The following EBF4 variants were observed in gnomAD, a reference collection of about 807,000 sequenced individuals.
EBF4 encodes the protein EBF transcription factor 4.
Under a neutral mutation model 67.1 loss-of-function variants are expected in EBF4, and 34 were observed. The ratio of observed to expected loss-of-function variants is 0.51; its 90% CI spans 0.39 to 0.67. The LOEUF is 0.67. Ranked by LOEUF, EBF4 falls within the 30% of genes least tolerant of loss-of-function variation. The pLI, the probability that EBF4 is intolerant of heterozygous loss-of-function variation, is 0.00. For synonymous variants in EBF4, 387 were observed against 377.7 expected (o/e 1.02, Z -0.29); for missense variants, 837 against 873.3 (o/e 0.96, Z 0.52).
At chr20:2,758,708 G>A (rs1291223623) in intron 15 of EBF4, 1 of 611,722 alleles carries the variant, frequency 1.6e-6, no homozygotes, top group African/African-American at 1.8e-5. Context: ...GGGAGCAAGG[G>A]CGTGGGCTGC....
At chr20:2,737,350 G>C (rs2087903194) in intron 6 of EBF4, among the ~76,000 whole-genome samples, 1 of 152,124 alleles carries the variant, frequency 6.6e-6, no homozygotes, top group Admixed American at 6.5e-5. Context: ...GAGGCGGCTA[G>C]TGAGTGAACC....
In EBF4 at chr20:2,693,654, T is replaced by A. The variant is rs1394132818; in HGVS notation, c.9T>A (p.Pro3=). ...ACTCACCGCGCGCCCTCATGTTCCC[T>A]GCGCAGGACGCTCTGCCCCGCAGCG... Residue 3 remains proline (P), a synonymous_variant, in exon 1 of 17, where the codon CCT becomes CCA. Transcript: ENST00000609451. This position sits in a 1 kb window ranked among gnomAD's most constrained non-coding sequence, Gnocchi z 4.6. 2.1e-6 allele frequency: 3 copies of A among 1,440,692 alleles called. No homozygotes were observed. The highest frequency in any genetic ancestry group is 2.7e-6 in the Non-Finnish European group (3 of 1,103,852). The allele number at this position is 1,440,692 out of a possible 1,614,324, so 89.2% of individuals were successfully genotyped here.
Position 2,749,523 on chromosome 20 carries a change from GGACCCCCGGCC to G in EBF4, c.757+6_757+16del. On this transcript the variant is annotated splice_donor_region_variant and intron_variant, in intron 8 of 16. Coordinates refer to ENST00000609451, the Ensembl canonical transcript of EBF4. ...GCCGCCTGGACCCCTCCGAAGGTCAGGACCCCCGGCCCAGCCCCGGCCGCCGCGGGCCCAGC... is the reference window on the plus strand; with the variant it reads ...GCCGCCTGGACCCCTCCGAAGGTCAGCAGCCCCGGCCGCCGCGGGCCCAGC... 6.5e-7 allele frequency: 1 copy of G among 1,544,722 alleles called. No individual in the cohort carries two copies. Among genetic ancestry groups the G allele is most frequent in the Non-Finnish European group, 8.7e-7 (1 of 1,143,680 alleles).
Position 2,693,619 on chromosome 20 carries a change from G to A in EBF4, c.-27G>A, listed in dbSNP as rs1277272848. 3.7e-6 allele frequency: 5 copies of A among 1,364,654 alleles called. No homozygotes were observed. The highest frequency in any genetic ancestry group is 3.8e-6 in the Non-Finnish European group (4 of 1,062,076). 84.5% of individuals were successfully genotyped at this position (1,364,654 alleles called of 1,614,324 possible). A position where few individuals can be genotyped will look rare whatever the true frequency, so the allele number is the denominator to read the frequency against. ...TCAGCGGGACCGGATCCGGGGCGGC[G>A]GGGGCGCTCACTCACCGCGCGCCCT... is the stretch of plus-strand genomic sequence containing the variant. On this transcript the variant is annotated 5_prime_UTR_variant, in exon 1 of 17. Coordinates refer to ENST00000609451, the Ensembl canonical transcript of EBF4. This position sits in a 1 kb window ranked among gnomAD's most constrained non-coding sequence, Gnocchi z 4.6.
intron 6 of EBF4, among the ~76,000 whole-genome samples, chr20:2,741,482 T>C (rs1314515323): frequency 3.3e-5 from 5 of 152,226 alleles, no homozygotes. Flanking sequence ...TGAGAAGTAG[T>C]GTATAAGTTA....
Position 2,759,249 on chromosome 20 carries a change from C to G in EBF4, c.*6-19C>G, listed in dbSNP as rs2088290417. ...GCCTTCCTCCCCGACCTTCTTCTCT[C>G]CCTCTCTCGCCCCACCAGGTCTGCA... On this transcript the variant is annotated intron_variant, in intron 16 of 16. Coordinates refer to ENST00000609451, the Ensembl canonical transcript of EBF4. 1 of 520,256 alleles carries G rather than the reference C, an allele frequency of 1.9e-6. No individual in the cohort carries two copies. Among genetic ancestry groups the G allele is most frequent in the African/African-American group, 1.9e-5 (1 of 52,420 alleles). The allele number at this position is 520,256 out of a possible 1,614,324, so 32.2% of individuals were successfully genotyped here.
At chr20:2,706,243 C>G (rs1345463553) in exon 4 of EBF4, 2 of 1,552,198 alleles carry the variant, frequency 1.3e-6, no homozygotes, top group African/African-American at 1.4e-5. Context: ...ACGTGCGTCT[C>G]ATCGACTCCA....
At chr20:2,715,278 A>C (rs1381328911) in intron 6 of EBF4, among the ~76,000 whole-genome samples, 1 of 152,178 alleles carries the variant, frequency 6.6e-6, no homozygotes, top group South Asian at 2.1e-4. Context: ...AAATGATACC[A>C]TGTTGCAGCA....
At position 2,749,999 on chromosome 20, in the gene EBF4, G is replaced by T. The variant is rs763348451; in HGVS notation, c.1018+26G>T. On this transcript the variant is annotated intron_variant, in intron 10 of 16. Coordinates refer to ENST00000609451, the Ensembl canonical transcript of EBF4. ...GTAAGGAGTCGGGCGGGGGAGTGGA[G>T]GTCTAAGGTGCGCGGAGGGAGCCCC... is the stretch of plus-strand genomic sequence containing the variant. 5.9e-6 allele frequency: 9 copies of T among 1,534,870 alleles called. No individual in the cohort carries two copies. The South Asian group carries it at 1.1e-4, about 19-fold the overall frequency.
intron 14 of EBF4, 43 bp downstream of exon 14, chr20:2,752,588 G>A (rs978771274): frequency 2.9e-4 from 356 of 1,222,762 alleles, no homozygotes; most frequent in Middle Eastern, 1.2e-3. Flanking sequence ...GGGCCGGGGA[G>A]CGGAACGGGA....
At chr20:2,705,517 G>T in intron 1 of EBF4, 60 bp from the exon 2 acceptor site, 1 of 1,550,120 alleles carries the variant, frequency 6.5e-7, no homozygotes, top group Non-Finnish European at 8.7e-7. Context: ...GGCCCGAGGC[G>T]CTGGAGTCTT....
rs997241992 is a variant in EBF4, at chr20:2,758,818, C to G, written c.1739-91C>G. 5 of 1,167,630 alleles carry G rather than the reference C, an allele frequency of 4.3e-6. No individual in the cohort carries two copies. The South Asian group carries it at 6.6e-5, about 16-fold the overall frequency. 72.3% of individuals were successfully genotyped at this position (1,167,630 alleles called of 1,614,324 possible). On this transcript the variant is annotated intron_variant, in intron 15 of 16. Transcript: ENST00000609451. ...ACTGCCTTCAGAAAGTGCTATATCC[C>G]CTGCCTGCTGTCTCCAGCCCAGAGA... is the stretch of plus-strand genomic sequence containing the variant.
intron 6 of EBF4, among the ~76,000 whole-genome samples, chr20:2,737,951 C>T (rs1209695580): frequency 1.4e-5 from 2 of 144,950 alleles, no homozygotes; most frequent in East Asian, 2.0e-4. Flanking sequence ...GGCAACAGAG[C>T]GAGACTCCAT....
At chr20:2,709,393 G>A (rs557631903) in intron 5 of EBF4, among the ~76,000 whole-genome samples, 181 bp from the exon 6 acceptor site, 7 of 151,378 alleles carry the variant, frequency 4.6e-5, no homozygotes, top group South Asian at 2.1e-4. Flanking sequence ...GGGTCCCTGC[G>A]GAGGAGCCCA....
At chr20:2,737,122 C>CAT (rs2087894995) in intron 6 of EBF4, among the ~76,000 whole-genome samples, 1 of 150,286 alleles carries the variant, frequency 6.7e-6, no homozygotes, top group African/African-American at 2.4e-5. Flanking sequence ...TGGTGGCGGG[C>CAT]GCCTGTAGTC....
rs2087243866 is a variant in EBF4 at position 2,693,623 on chromosome 20, G to A, written c.-23G>A. ...CGGGACCGGATCCGGGGCGGCGGGG[G>A]CGCTCACTCACCGCGCGCCCTCATG... On this transcript the variant is annotated 5_prime_UTR_variant, in exon 1 of 17. Transcript: ENST00000609451. The surrounding 1 kb of genome is among the most constrained non-coding windows in gnomAD (Gnocchi z 4.6). The A allele has an allele frequency of 1.3e-5, 18 of 1,373,824 alleles. No homozygotes were observed. The highest frequency in any genetic ancestry group is 1.7e-5 in the South Asian group (1 of 60,550). The allele number at this position is 1,373,824 out of a possible 1,614,324, so 85.1% of individuals were successfully genotyped here.
Position 2,755,814 on chromosome 20 carries a change from G to A in EBF4, c.1728G>A (p.Glu576=). The change falls in exon 15 of 17, where the codon GAG becomes GAA. Residue 576 remains glutamate (E), a synonymous_variant. Coordinates refer to ENST00000609451, the Ensembl canonical transcript of EBF4. This position sits in a 1 kb window ranked among gnomAD's most constrained non-coding sequence, Gnocchi z 4.7. Reference sequence around the variant, plus strand: ...AGGCCTGCCCCAGAGCCCACGGAGAGGGGCTTCCAGGTGAGTGATCCACCC... The same window carrying A: ...AGGCCTGCCCCAGAGCCCACGGAGAAGGGCTTCCAGGTGAGTGATCCACCC... The A allele has an allele frequency of 2.6e-6, 4 of 1,547,248 alleles. No individual in the cohort carries two copies. Among genetic ancestry groups the A allele is most frequent in the Non-Finnish European group, 3.5e-6 (4 of 1,146,798 alleles).
chr20:2,730,915 T>C (rs1182468874), intron 6 of EBF4, among the ~76,000 whole-genome samples: 2 of 152,158 alleles, frequency 1.3e-5, no homozygotes. Context: ...TGTTTGTTTG[T>C]TTTAGATGGA....
chr20:2,746,398 C>A (rs2088051409), intron 6 of EBF4, among the ~76,000 whole-genome samples: 1 of 151,988 alleles, frequency 6.6e-6, no homozygotes, highest in Non-Finnish European at 1.5e-5. Flanking sequence ...AGGGGTGCAC[C>A]ATTTGGGAAA....
Sources: gnomAD v4.1 joint callset for allele counts (sites outside exome capture counted in the v4.1 genomes callset) on GRCh38, gnomAD v4.1.1 for gene constraint, Gnocchi (gnomAD v3.1) non-coding constraint, MANE v1.5 for transcripts, NCBI Gene and HGNC (gene_info 2026-07-23, HGNC 2026-07-21) for gene names.